Variants in CNOT4 observed in about 807,000 individuals in gnomAD.
CNOT4 encodes the protein CCR4-NOT transcription complex subunit 4, also known as CCR4-associated factor 4.
A neutral mutation model predicts 73.8 loss-of-function variants in CNOT4; 8 were observed. The ratio of observed to expected loss-of-function variants is 0.11; its 90% CI spans 0.06 to 0.20. The LOEUF is 0.20. CNOT4 is among the 10% of genes least tolerant of loss of function. The probability of loss-of-function intolerance (pLI) is 1.00; values close to 1 mark genes in which losing one functional copy is unlikely to be tolerated. For missense variants in CNOT4, 564 were observed against 883.4 expected, an observed-to-expected ratio of 0.64 and a Z score of 4.58; for synonymous variants, 293 against 321.1, an observed-to-expected ratio of 0.91 and a Z score of 0.94.
At chr7:135,414,526 G>T in intron 4 of CNOT4, 94 bp from the exon 5 acceptor site, 1 of 662,292 alleles carries the variant, frequency 1.5e-6, no homozygotes. Flanking sequence ...TAAAGACCCT[G>T]ACTACTACTA....
At chr7:135,445,629 C>T (rs1481823955) in intron 1 of CNOT4, among the ~76,000 whole-genome samples, 3 of 152,072 alleles carry the variant, frequency 2.0e-5, no homozygotes, top group Non-Finnish European at 4.4e-5. Context: ...AACAATCTGT[C>T]CACAAATATA....
chr7:135,377,742 A>AAG (rs1013869000), intron 10 of CNOT4, among the ~76,000 whole-genome samples: 18 of 152,316 alleles, frequency 1.2e-4, no homozygotes, highest in Admixed American at 3.3e-4. Context: ...TAAAATATAT[A>AAG]GTTATTTAAG....
At chr7:135,370,387 C>T (rs554290723) in intron 10 of CNOT4, among the ~76,000 whole-genome samples, 196 of 152,292 alleles carry the variant, frequency 1.3e-3, no homozygotes, top group African/African-American at 4.6e-3. Context: ...AAACTCTATT[C>T]CCTCCATTCT....
chr7:135,460,171 G>A (rs1036003317), intron 1 of CNOT4, among the ~76,000 whole-genome samples: 4 of 152,172 alleles, frequency 2.6e-5, no homozygotes, highest in Admixed American at 2.0e-4. Context: ...CTAGGCAGAC[G>A]ACTCAAACTT....
At chr7:135,499,386 T>C (rs1358316946) in intron 1 of CNOT4, among the ~76,000 whole-genome samples, 1 of 152,076 alleles carries the variant, frequency 6.6e-6, no homozygotes, top group African/African-American at 2.4e-5. Flanking sequence ...CCCACTTTAT[T>C]TTCTGCCTCT....
rs940808244 is a variant in CNOT4 at position 135,444,569 on chromosome 7, T to C, written c.-92-6146A>G. The C allele has an allele frequency of 3.7e-6, 5 of 1,368,466 alleles. No individual in the cohort carries two copies. In the African/African-American group the frequency reaches 5.7e-5, roughly 16 times the overall value. 84.8% of individuals were successfully genotyped at this position (1,368,466 alleles called of 1,614,324 possible). A position where few individuals can be genotyped will look rare whatever the true frequency, so the allele number is the denominator to read the frequency against. On this transcript the variant is annotated intron_variant, in intron 1 of 11. Coordinates refer to ENST00000541284, the MANE Select transcript of CNOT4 (RefSeq NM_001190850.2). ...TCTCAGCATTTCTTCAGGACCGACC[T>C]ATCCCAGAATGATGTGGAGTACAGC...
intron 2 of CNOT4, among the ~76,000 whole-genome samples, chr7:135,427,704 C>T (rs1798582978): frequency 6.6e-6 from 1 of 152,056 alleles, no homozygotes; most frequent in Non-Finnish European, 1.5e-5. Context: ...TTCTAGTTTC[C>T]AGTAATGGAG....
intron 6 of CNOT4, among the ~76,000 whole-genome samples, chr7:135,411,524 C>T (rs1797589188): frequency 6.6e-6 from 1 of 151,880 alleles, no homozygotes; most frequent in African/African-American, 2.4e-5. Context: ...GGTAGGTGTA[C>T]ATCAAAAGGC....
intron 6 of CNOT4, 44 bp downstream of exon 6, chr7:135,413,444 T>A (rs1004207212): frequency 6.3e-7 from 1 of 1,588,394 alleles, no homozygotes; most frequent in African/African-American, 1.4e-5. Context: ...AAAAAAAAAG[T>A]ACTCCCTTTT....
chr7:135,469,447 T>C (rs1367254389), intron 1 of CNOT4, among the ~76,000 whole-genome samples: 1 of 152,246 alleles, frequency 6.6e-6, no homozygotes, highest in Non-Finnish European at 1.5e-5. Context: ...TGACATATCC[T>C]CTTCACTGGA....
chr7:135,382,629 A>C (rs1374415370), intron 10 of CNOT4, among the ~76,000 whole-genome samples: 1 of 151,342 alleles, frequency 6.6e-6, no homozygotes, highest in African/African-American at 2.4e-5. Context: ...TGGGGTTTTC[A>C]CATTTGTGGA....
At position 135,395,772 on chromosome 7, in the gene CNOT4, T is replaced by C. The variant is rs949639650; in HGVS notation, c.991A>G (p.Thr331Ala). ...TCTGAGAATAACGACTGTGACTCTG[T>C]TACTGCCCCTTCAAAAGGGGACCGT... The part of the protein sequence containing the change: ...SARSPFEGAV[T>A]ESQSLFSDNF... The change falls in exon 9 of 12, where the codon ACA becomes GCA. Residue 331 changes from threonine (T) to alanine (A), a missense_variant. Transcript: ENST00000541284. The C allele has an allele frequency of 1.2e-5, 20 of 1,614,120 alleles. No homozygotes were observed. The highest frequency in any genetic ancestry group is 1.6e-5 in the Non-Finnish European group (19 of 1,180,000).
intron 1 of CNOT4, among the ~76,000 whole-genome samples, chr7:135,470,849 G>T (rs1425126658): frequency 6.6e-6 from 1 of 152,176 alleles, no homozygotes; most frequent in Non-Finnish European, 1.5e-5. Context: ...GAAGGAGTAT[G>T]AGAGAAGCTT....
chr7:135,427,565 G>A (rs1585627736), intron 2 of CNOT4, among the ~76,000 whole-genome samples: 1 of 152,216 alleles, frequency 6.6e-6, no homozygotes, highest in Middle Eastern at 3.4e-3. Flanking sequence ...AGAATAATTT[G>A]TAATTTTCTT....
In CNOT4 at chr7:135,387,180, T is replaced by C. The variant is rs943291523; in HGVS notation, c.1627+6738A>G. 5.3e-5 allele frequency: 52 copies of C among 982,796 alleles called. 1 individual carries two copies. The highest frequency in any genetic ancestry group is 6.3e-5 in the Non-Finnish European group (52 of 827,504). 60.9% of individuals were successfully genotyped at this position (982,796 alleles called of 1,614,324 possible). On this transcript the variant is annotated intron_variant, in intron 10 of 11. Transcript: ENST00000541284. ...TATTAATAAGTCTACAGTATTTTAT[T>C]GGCATTTTCCAAATTGGCAATGTTC...
chr7:135,464,024 C>CGAAAAAAA (rs1554440575), intron 1 of CNOT4, among the ~76,000 whole-genome samples: 1 of 109,638 alleles, frequency 9.1e-6, no homozygotes, highest in African/African-American at 3.5e-5. Flanking sequence ...ATTAAAAAGT[C>CGAAAAAAA]AAAAAAAAAA....
rs1262834191 is a variant in CNOT4, at chr7:135,364,093, A to G, written c.1628-27T>C. On this transcript the variant is annotated intron_variant, in intron 10 of 11. Transcript: ENST00000541284. The surrounding 1 kb of genome is among the most constrained non-coding windows in gnomAD (Gnocchi z 4.3). ...TGGGAGATTTACCAACAAAAAAATG[A>G]AAGATAAAAAAAAATAAAAAGCTAC... The G allele has an allele frequency of 4.0e-6, 6 of 1,491,448 alleles. No individual in the cohort carries two copies. In the Admixed American group the frequency reaches 5.7e-5, roughly 14 times the overall value. The allele number at this position is 1,491,448 out of a possible 1,614,324, so 92.4% of individuals were successfully genotyped here. A position where few individuals can be genotyped will look rare whatever the true frequency, so the allele number is the denominator to read the frequency against.
intron 1 of CNOT4, among the ~76,000 whole-genome samples, chr7:135,462,137 A>G (rs1028923232): frequency 3.9e-5 from 6 of 152,178 alleles, no homozygotes; most frequent in African/African-American, 1.4e-4. Context: ...AAATTTTTAA[A>G]AGAGAAAACA....
chr7:135,502,210 T>C (rs957647372), intron 1 of CNOT4, among the ~76,000 whole-genome samples: 3 of 152,244 alleles, frequency 2.0e-5, no homozygotes, highest in Non-Finnish European at 2.9e-5. Flanking sequence ...TAAAATGAAC[T>C]AAGACATGCT....
Sources: allele counts gnomAD v4.1 joint callset (sites outside exome capture counted in the v4.1 genomes callset), GRCh38; gene constraint gnomAD v4.1.1; non-coding constraint Gnocchi (gnomAD v3.1); transcripts MANE v1.5; gene names NCBI Gene and HGNC (gene_info 2026-07-23, HGNC 2026-07-21).